PDE7B: variants seen among roughly 807,000 people sequenced by gnomAD.
PDE7B encodes the protein phosphodiesterase 7B.
PDE7B carries 29 observed loss-of-function variants against 56.2 expected under a neutral mutation model. That is an observed-to-expected ratio of 0.52 (90% CI 0.38 to 0.70). The LOEUF is 0.70. Ranked by LOEUF, PDE7B falls within the 30% of genes least tolerant of loss-of-function variation. PDE7B has a pLI of 0.00. For synonymous variants in PDE7B, 197 were observed against 196.9 expected (o/e 1.00, Z 0.00); for missense variants, 490 against 565.0 (o/e 0.87, Z 1.35).
intron 3 of PDE7B, among the ~76,000 whole-genome samples, chr6:136,134,734 C>CAAAA (rs67667001): frequency 1.2e-4 from 11 of 91,268 alleles, no homozygotes; most frequent in Admixed American, 2.5e-4. Context: ...TTATGGTAGG[C>CAAAA]AAAAAAAAAA....
chr6:136,142,321 A>G (rs1477426454), intron 3 of PDE7B, among the ~76,000 whole-genome samples: 1 of 152,158 alleles, frequency 6.6e-6, no homozygotes, highest in Admixed American at 6.5e-5. Flanking sequence ...TCTGAGAGAC[A>G]GTTTGTTATA....
Position 135,958,761 on chromosome 6 carries a change from C to A in PDE7B, c.82+11237C>A, listed in dbSNP as rs188261768. On this transcript the variant is annotated intron_variant, in intron 2 of 12. Transcript: ENST00000308191. The stretch of plus-strand genomic sequence containing the variant: ...GCCAAAATATATTTTGTTTTCTTAC[C>A]AGGAGATCCATTCTAAAGAAGTAGC... Among the ~76,000 whole-genome samples, 179 of 152,004 alleles carry A rather than the reference C, an allele frequency of 1.2e-3. 2 individuals are homozygous for A. The highest frequency in any genetic ancestry group is 0.011 in the Admixed American group (161 of 15,268).
At chr6:136,109,491 T>C (rs1407160519) in intron 3 of PDE7B, among the ~76,000 whole-genome samples, 3 of 152,230 alleles carry the variant, frequency 2.0e-5, no homozygotes, top group African/African-American at 7.2e-5. Context: ...TCTTCTACAG[T>C]TGCCCTTAGT....
chr6:135,898,812 T>G (rs1397182313), intron 1 of PDE7B, among the ~76,000 whole-genome samples: 1 of 152,176 alleles, frequency 6.6e-6, no homozygotes, highest in Non-Finnish European at 1.5e-5. Context: ...TATTATTCTT[T>G]CCTAGGGAAT....
intron 1 of PDE7B, among the ~76,000 whole-genome samples, chr6:135,865,635 G>GTGTA (rs918754855): frequency 7.3e-5 from 11 of 150,824 alleles, no homozygotes; most frequent in Admixed American, 2.6e-4. Flanking sequence ...GTGTGTGTGT[G>GTGTA]TGTGTGTGTG....
Position 135,988,219 on chromosome 6 carries a change from C to G in PDE7B, c.82+40695C>G, listed in dbSNP as rs887818603. Among the ~76,000 whole-genome samples the G allele has an allele frequency of 5.9e-5, 9 of 151,930 alleles. No homozygotes were observed. The East Asian group carries it at 1.5e-3, about 26-fold the overall frequency. ...AACCCACAAATATTATTTGTGGATA[C>G]TTGGAGAATTGCCTGTAGAAGAAGG... On this transcript the variant is annotated intron_variant, in intron 2 of 12. Transcript: ENST00000308191.
chr6:136,184,422 A>T (rs1231133986), intron 11 of PDE7B, among the ~76,000 whole-genome samples: 2 of 152,258 alleles, frequency 1.3e-5, no homozygotes, highest in Admixed American at 1.3e-4. Flanking sequence ...ATATGGTAAC[A>T]AGACACATGT....
At chr6:135,943,271 G>C (rs1282760321) in intron 1 of PDE7B, among the ~76,000 whole-genome samples, 1 of 152,152 alleles carries the variant, frequency 6.6e-6, no homozygotes, top group African/African-American at 2.4e-5. Context: ...ATATTACCCT[G>C]TTTTACAGAT....
chr6:135,993,222 T>A (rs1775504950), intron 2 of PDE7B: 1 of 152,358 alleles, frequency 6.6e-6, no homozygotes, highest in African/African-American at 2.4e-5. Flanking sequence ...AATGTGACTC[T>A]AAAGATAAAC....
intron 1 of PDE7B, among the ~76,000 whole-genome samples, chr6:135,908,673 T>A (rs1309828180): frequency 3.9e-5 from 6 of 152,136 alleles, no homozygotes; most frequent in African/African-American, 1.4e-4. Context: ...GAGCTATATC[T>A]CAAAATGGAG....
intron 1 of PDE7B, among the ~76,000 whole-genome samples, chr6:135,891,963 G>C (rs548303697): frequency 1.3e-5 from 2 of 152,124 alleles, no homozygotes; most frequent in South Asian, 4.2e-4. Flanking sequence ...AGAGCACATG[G>C]TCTATAGTTG....
At chr6:136,027,187 C>T (rs770733134) in intron 2 of PDE7B, among the ~76,000 whole-genome samples, 7 of 152,168 alleles carry the variant, frequency 4.6e-5, no homozygotes, top group Non-Finnish European at 7.3e-5. Flanking sequence ...CTTCTGTTGT[C>T]GAAGCCATCC....
chr6:135,876,741 C>G (rs957190799), intron 1 of PDE7B, among the ~76,000 whole-genome samples: 3 of 152,220 alleles, frequency 2.0e-5, no homozygotes, highest in African/African-American at 7.2e-5. Flanking sequence ...CACCTGTAAT[C>G]CCACCTACTC....
chr6:135,871,245 A>T lies in PDE7B; in HGVS notation c.21+19226A>T, dbSNP rs149720184. On this transcript the variant is annotated intron_variant, in intron 1 of 12. Transcript: ENST00000308191. Reference sequence around the variant, plus strand: ...TTTTACTTTACATGAAGAGATGGGCATCTTCAATTTACAAAGTTGATTAGA... The same window carrying T: ...TTTTACTTTACATGAAGAGATGGGCTTCTTCAATTTACAAAGTTGATTAGA... Among the ~76,000 whole-genome samples, 356 of 152,324 alleles carry T rather than the reference A, an allele frequency of 2.3e-3. 1 individual carries two copies. Among genetic ancestry groups the T allele is most frequent in the African/African-American group, 8.2e-3 (342 of 41,584 alleles).
chr6:136,077,861 G>A (rs1467912970), intron 2 of PDE7B, among the ~76,000 whole-genome samples: 2 of 152,178 alleles, frequency 1.3e-5, no homozygotes, highest in African/African-American at 4.8e-5. Flanking sequence ...ATGTTTGGAA[G>A]CCCAATCCAG....
At chr6:135,982,104 C>CT (rs1193187802) in intron 2 of PDE7B, among the ~76,000 whole-genome samples, 1 of 152,142 alleles carries the variant, frequency 6.6e-6, no homozygotes, top group Non-Finnish European at 1.5e-5. Context: ...TATACTTATC[C>CT]TGACCCCCCC....
intron 2 of PDE7B, among the ~76,000 whole-genome samples, chr6:136,085,571 G>A (rs1365250469): frequency 6.6e-6 from 1 of 152,182 alleles, no homozygotes; most frequent in African/African-American, 2.4e-5. Flanking sequence ...CTGACTTTTG[G>A]TTGATGGAAT....
intron 11 of PDE7B, among the ~76,000 whole-genome samples, chr6:136,183,884 A>G (rs1037660103): frequency 2.0e-5 from 3 of 152,148 alleles, no homozygotes; most frequent in African/African-American, 7.2e-5. Context: ...ACACAGGGGG[A>G]AAGGAAAACA....
intron 2 of PDE7B, among the ~76,000 whole-genome samples, chr6:136,103,796 G>A (rs1387977626): frequency 6.6e-6 from 1 of 152,154 alleles, no homozygotes; most frequent in South Asian, 2.1e-4. Flanking sequence ...TGGAAGCCCA[G>A]TAGCTACTGC....
Sources: allele counts gnomAD v4.1 joint callset (sites outside exome capture counted in the v4.1 genomes callset), GRCh38; gene constraint gnomAD v4.1.1; transcripts MANE v1.5; gene names NCBI Gene and HGNC (gene_info 2026-07-23, HGNC 2026-07-21).